The following ST7 variants were observed in gnomAD, a reference collection of about 807,000 sequenced individuals.
ST7 encodes suppression of tumorigenicity 7, also known as suppressor of tumorigenicity 7 protein.
In ST7, 28 loss-of-function variants were observed where a neutral mutation model predicts 78.7. That is an observed-to-expected ratio of 0.36 (90% CI 0.26 to 0.49). The LOEUF (loss-of-function observed/expected upper bound fraction) is 0.49. Ranked by LOEUF, ST7 falls within the 20% of genes least tolerant of loss-of-function variation. The probability of loss-of-function intolerance (pLI) is 0.99; values close to 1 mark genes in which losing one functional copy is unlikely to be tolerated. For synonymous variants in ST7, 247 were observed against 249.6 expected, an observed-to-expected ratio of 0.99 and a Z score of 0.10; for missense variants, 418 against 696.0, an observed-to-expected ratio of 0.60 and a Z score of 4.49.
chr7:117,145,432 G>A (rs139267667), intron 9 of ST7: 96 of 152,260 alleles, frequency 6.3e-4, no homozygotes, highest in African/African-American at 2.1e-3. Flanking sequence ...CAAGGCAGGT[G>A]GCAGAGCCGT....
intron 1 of ST7, among the ~76,000 whole-genome samples, chr7:116,955,623 A>C (rs544262266): frequency 1.3e-5 from 2 of 152,168 alleles, no homozygotes; most frequent in Admixed American, 1.3e-4. Flanking sequence ...TACACACTTA[A>C]AATTTTATTT....
At chr7:117,037,629 A>G (rs1306218266) in intron 1 of ST7, among the ~76,000 whole-genome samples, 1 of 151,868 alleles carries the variant, frequency 6.6e-6, no homozygotes, top group Non-Finnish European at 1.5e-5. Context: ...TTTTTTTTCT[A>G]TTGTTCTCGT....
At chr7:117,077,056 A>G (rs1799398799) in intron 1 of ST7, among the ~76,000 whole-genome samples, 1 of 152,126 alleles carries the variant, frequency 6.6e-6, no homozygotes, top group African/African-American at 2.4e-5. Context: ...GGGCTATGTA[A>G]TCTTCCCCTG....
intron 9 of ST7, among the ~76,000 whole-genome samples, chr7:117,163,088 T>C (rs1485486376): frequency 1.3e-5 from 2 of 152,184 alleles, no homozygotes; most frequent in African/African-American, 4.8e-5. Context: ...TTCATCCATC[T>C]TGCTGCCAAT....
chr7:117,201,532 A>G (rs1584586797), intron 12 of ST7, among the ~76,000 whole-genome samples: 1 of 148,038 alleles, frequency 6.8e-6, no homozygotes, highest in Non-Finnish European at 1.5e-5. Flanking sequence ...CCACTGACCA[A>G]CTGCTTTTTA....
At chr7:117,162,069 A>T (rs1181551854) in intron 9 of ST7, among the ~76,000 whole-genome samples, 2 of 152,190 alleles carry the variant, frequency 1.3e-5, no homozygotes, top group Admixed American at 6.5e-5. Flanking sequence ...AGTTGATCTC[A>T]GCCTTATGTG....
rs1026547624 is a variant in ST7, at chr7:117,009,266, T to G, written c.151+55575T>G. Among the ~76,000 whole-genome samples, 241 of 28,472 alleles carry G rather than the reference T, an allele frequency of 8.5e-3. 3 individuals carry two copies. The highest frequency in any genetic ancestry group is 0.026 in the African/African-American group (220 of 8,364). 18.7% of individuals were successfully genotyped at this position (28,472 alleles called of 152,430 possible). A position where few individuals can be genotyped will look rare whatever the true frequency, so the allele number is the denominator to read the frequency against. The stretch of plus-strand genomic sequence containing the variant: ...TCTCCACTTTTTTTTTGTTTTTTTT[T>G]TTTTGTTTTTGGCCTCTGGGACAAC... On this transcript the variant is annotated intron_variant, in intron 1 of 15. Coordinates refer to ENST00000323984, the MANE Select transcript of ST7 (RefSeq NM_001369598.1).
chr7:117,117,969 T>C (rs747055135), intron 2 of ST7: 2 of 152,248 alleles, frequency 1.3e-5, no homozygotes, highest in African/African-American at 4.8e-5. Context: ...TCTTCTTTTA[T>C]GCAAAATCCC....
intron 1 of ST7, among the ~76,000 whole-genome samples, chr7:117,015,640 G>A (rs571041423): frequency 6.6e-6 from 1 of 152,288 alleles, no homozygotes; most frequent in African/African-American, 2.4e-5. Context: ...AACCATGGGT[G>A]GTGGTTACTT....
At chr7:117,089,407 C>A (rs1255382205) in intron 1 of ST7, among the ~76,000 whole-genome samples, 1 of 152,042 alleles carries the variant, frequency 6.6e-6, no homozygotes, top group Non-Finnish European at 1.5e-5. Flanking sequence ...CAGTTTGAAG[C>A]AGGTACACAA....
chr7:117,209,752 T>C, intron 12 of ST7, 35 bp from the exon 13 acceptor site: 1 of 1,600,738 alleles, frequency 6.2e-7, no homozygotes, highest in Non-Finnish European at 8.5e-7. Context: ...ATTACTTAGG[T>C]ATTAACACAA....
At chr7:117,165,606 G>A (rs565543002) in intron 9 of ST7, among the ~76,000 whole-genome samples, 4 of 152,190 alleles carry the variant, frequency 2.6e-5, no homozygotes, top group African/African-American at 9.6e-5. Context: ...ATGATAGGTC[G>A]GTCACTGACC....
At chr7:117,048,604 A>G (rs1797609844) in intron 1 of ST7, among the ~76,000 whole-genome samples, 1 of 151,980 alleles carries the variant, frequency 6.6e-6, no homozygotes, top group African/African-American at 2.4e-5. Flanking sequence ...ACCCCACCCC[A>G]CCTGCTCCTT....
intron 10 of ST7, among the ~76,000 whole-genome samples, chr7:117,184,409 A>G (rs1809046959): frequency 6.6e-6 from 1 of 152,246 alleles, no homozygotes; most frequent in African/African-American, 2.4e-5. Context: ...AATGATTTTG[A>G]GTTGCTTCCT....
At chr7:117,134,043 A>C (rs1804581282) in intron 6 of ST7, 81 bp from the exon 7 acceptor site, 1 of 1,567,552 alleles carries the variant, frequency 6.4e-7, no homozygotes, top group Non-Finnish European at 8.7e-7. Context: ...GATTACCCTG[A>C]ACTCCGAAAT....
intron 9 of ST7, among the ~76,000 whole-genome samples, chr7:117,154,884 C>T (rs142925709): frequency 3.3e-5 from 5 of 151,836 alleles, no homozygotes; most frequent in South Asian, 2.1e-4. Context: ...GGTGATGGGC[C>T]GTGGGCTCTA....
intron 1 of ST7, among the ~76,000 whole-genome samples, chr7:116,973,974 T>C (rs1793569880): frequency 6.6e-6 from 1 of 152,242 alleles, no homozygotes; most frequent in Non-Finnish European, 1.5e-5. Flanking sequence ...AGGGAAAGTT[T>C]GGAAATTTGT....
At chr7:117,193,054 C>T (rs967515682) in intron 12 of ST7, among the ~76,000 whole-genome samples, 4 of 151,972 alleles carry the variant, frequency 2.6e-5, no homozygotes, top group Admixed American at 6.6e-5. Context: ...CCGTGGGGAA[C>T]GGGTCCTGGG....
intron 1 of ST7, chr7:116,955,097 C>A (rs891034501): frequency 2.1e-6 from 1 of 470,920 alleles, no homozygotes; most frequent in African/African-American, 2.0e-5. Context: ...GGCTTTCTCG[C>A]TTTTCATCTT....
Sources: allele counts gnomAD v4.1 joint callset (sites outside exome capture counted in the v4.1 genomes callset), GRCh38; gene constraint gnomAD v4.1.1; transcripts MANE v1.5; gene names NCBI Gene and HGNC (gene_info 2026-07-23, HGNC 2026-07-21).